CAMKK1: variants seen among roughly 807,000 people sequenced by gnomAD.
CAMKK1 encodes the protein calcium/calmodulin-dependent protein kinase kinase 1.
A neutral mutation model predicts 63.5 loss-of-function variants in CAMKK1; 20 were observed. That is an observed-to-expected ratio of 0.32 (90% confidence interval 0.22 to 0.46). The LOEUF (loss-of-function observed/expected upper bound fraction) is 0.46. CAMKK1 is among the 20% of genes least tolerant of loss of function. CAMKK1 has a pLI of 1.00. For synonymous variants in CAMKK1, 253 were observed against 269.0 expected, an observed-to-expected ratio of 0.94 and a Z score of 0.58; for missense variants, 588 against 658.1, an observed-to-expected ratio of 0.89 and a Z score of 1.17.
chr17:3,892,961 C>T lies in CAMKK1; in HGVS notation c.-66G>A, dbSNP rs2143924044. The T allele has an allele frequency of 1.3e-5, 2 of 151,304 alleles. No individual in the cohort carries two copies. The highest frequency in any genetic ancestry group is 1.9e-4 in the South Asian group (1 of 5,318). The allele number at this position is 151,304 out of a possible 1,614,324, so 9.4% of individuals were successfully genotyped here. The stretch of plus-strand genomic sequence containing the variant: ...TACCTGGGCGCCGGGCGACAGTGTC[C>T]GCGGCCCGGCGGGCGGCCCCACTCG... On this transcript the variant is annotated 5_prime_UTR_variant, in exon 1 of 16. Coordinates refer to ENST00000348335, the MANE Select transcript of CAMKK1 (RefSeq NM_032294.3). The surrounding 1 kb of genome is among the most constrained non-coding windows in gnomAD (Gnocchi z 7.5).
chr17:3,886,037 C>T lies in CAMKK1; in HGVS notation c.-43-307G>A, dbSNP rs531126102. On this transcript the variant is annotated intron_variant, in intron 1 of 15. Transcript: ENST00000348335. ...GAATCAGGACAGACAGGGCAGAAGC[C>T]TGGAGGCCCAGCAGCACTGGAAGGG... Among the ~76,000 whole-genome samples, 5 of 152,376 alleles carry T rather than the reference C, an allele frequency of 3.3e-5. No individual in the cohort carries two copies. In the East Asian group the frequency reaches 7.7e-4, roughly 23 times the overall value.
At chr17:3,877,902 A>G (rs2055239272) in intron 9 of CAMKK1, among the ~76,000 whole-genome samples, 1 of 152,184 alleles carries the variant, frequency 6.6e-6, no homozygotes, top group Non-Finnish European at 1.5e-5. Flanking sequence ...GTCTCTGTAT[A>G]TCTGAACACA....
At chr17:3,886,853 G>A (rs889744212) in intron 1 of CAMKK1, among the ~76,000 whole-genome samples, 6 of 152,206 alleles carry the variant, frequency 3.9e-5, no homozygotes, top group South Asian at 2.1e-4. Context: ...CTTGTAGAGC[G>A]CTGGCCATGC....
chr17:3,868,347 C>CCCGTCT (rs2054657375), intron 14 of CAMKK1, among the ~76,000 whole-genome samples: 3 of 150,486 alleles, frequency 2.0e-5, no homozygotes, highest in African/African-American at 7.4e-5. Context: ...GAGACGCAGG[C>CCCGTCT]ACTGCCTGAT....
At chr17:3,867,318 C>T (rs981887586) in intron 14 of CAMKK1, among the ~76,000 whole-genome samples, 16 of 152,126 alleles carry the variant, frequency 1.1e-4, no homozygotes, top group South Asian at 2.1e-4. Flanking sequence ...TTCCATGGCA[C>T]GTGGCCAGAG....
chr17:3,877,578 G>A (rs1458416145), intron 9 of CAMKK1, among the ~76,000 whole-genome samples: 2 of 152,164 alleles, frequency 1.3e-5, no homozygotes, highest in Non-Finnish European at 2.9e-5. Context: ...GAGGAGGGAG[G>A]AGAGAAGGCG....
chr17:3,877,712 C>T (rs1351680933), intron 9 of CAMKK1, among the ~76,000 whole-genome samples: 4 of 152,188 alleles, frequency 2.6e-5, no homozygotes, highest in African/African-American at 4.8e-5. Flanking sequence ...CAGGCACACA[C>T]AAGGAATCTG....
chr17:3,883,162 C>A lies in CAMKK1; in HGVS notation c.528G>T (p.Pro176=), dbSNP rs737362. ...KQYGFPRRPP[P]RGSQAAQGGP... ...CTCCCTGGGCAGCCTGGGACCCTCTCGGGGGAGGGCGACCTGTGACCAGGA... is the reference window on the plus strand; with the variant it reads ...CTCCCTGGGCAGCCTGGGACCCTCTAGGGGGAGGGCGACCTGTGACCAGGA... Residue 176 remains proline (P), a synonymous_variant, in exon 6 of 16, where the codon CCG becomes CCT. Transcript: ENST00000348335. This position sits in a 1 kb window ranked among gnomAD's most constrained non-coding sequence, Gnocchi z 4.7. 9.9e-6 allele frequency: 16 copies of A among 1,610,446 alleles called. No individual in the cohort carries two copies. The African/African-American group carries it at 1.7e-4, about 17-fold the overall frequency.
intron 2 of CAMKK1, 125 bp downstream of exon 2, chr17:3,885,203 T>C (rs1028662550): frequency 8.8e-7 from 1 of 1,136,332 alleles, no homozygotes; most frequent in Admixed American, 3.0e-5. Flanking sequence ...GGTAGTGATC[T>C]CCCCAGCTCT....
In CAMKK1 at chr17:3,867,951, T is replaced by C. The variant is rs145177304; in HGVS notation, c.1341+1536A>G. 2.5e-3 allele frequency among the ~76,000 whole-genome samples: 370 copies of C among 148,488 alleles called. 9 individuals are homozygous for C. Among genetic ancestry groups the C allele is most frequent in the African/African-American group, 8.2e-3 (325 of 39,408 alleles). On this transcript the variant is annotated intron_variant, in intron 14 of 15. Transcript: ENST00000348335. ...CGGGCACTAGGGGAGACACAGGCAC[T>C]GTCTAATGGATACGCAGGATCTGGG...
chr17:3,868,766 C>CCT (rs2054691944), intron 14 of CAMKK1, among the ~76,000 whole-genome samples: 1 of 151,944 alleles, frequency 6.6e-6, no homozygotes, highest in African/African-American at 2.4e-5. Flanking sequence ...GATTCTCCTG[C>CCT]CTCGGCCTCC....
intron 15 of CAMKK1, among the ~76,000 whole-genome samples, chr17:3,864,545 C>T (rs950742847): frequency 6.1e-5 from 9 of 147,416 alleles, no homozygotes; most frequent in African/African-American, 2.4e-4. Context: ...CGCACCCGGC[C>T]GTGCTGGCAT....
chr17:3,875,232 T>C (rs1023162918), intron 10 of CAMKK1, among the ~76,000 whole-genome samples: 18 of 152,226 alleles, frequency 1.2e-4, no homozygotes, highest in Non-Finnish European at 2.5e-4. Context: ...AACTTTTCTG[T>C]AAATTTAGAA....
chr17:3,867,529 G>A (rs561083790), intron 14 of CAMKK1, among the ~76,000 whole-genome samples: 2 of 152,308 alleles, frequency 1.3e-5, no homozygotes, highest in African/African-American at 4.8e-5. Flanking sequence ...GGGAGTGAGA[G>A]TAGAAGCAAG....
intron 11 of CAMKK1, 71 bp from the exon 12 acceptor site, chr17:3,872,698 T>A: frequency 1.9e-5 from 25 of 1,320,408 alleles, no homozygotes; most frequent in Non-Finnish European, 2.7e-5. Flanking sequence ...TCAACCCCCC[T>A]CCCTTGGTGG....
intron 15 of CAMKK1, 181 bp downstream of exon 15, chr17:3,865,727 G>A (rs1256985605): frequency 1.2e-5 from 17 of 1,426,276 alleles, no homozygotes; most frequent in South Asian, 1.5e-5. Context: ...GGGCCCAAAA[G>A]GTCCCTTCTA....
intron 14 of CAMKK1, 141 bp from the exon 15 acceptor site, chr17:3,866,152 G>A (rs2054513227): frequency 1.0e-6 from 1 of 997,822 alleles, no homozygotes; most frequent in Non-Finnish European, 1.5e-6. Flanking sequence ...AATGGCAGAG[G>A]CAAGAACACG....
chr17:3,862,030 T>C lies in CAMKK1; in HGVS notation c.*181A>G. The C allele has an allele frequency of 1.7e-6, 1 of 601,942 alleles. No individual in the cohort carries two copies. Among genetic ancestry groups the C allele is most frequent in the South Asian group, 1.9e-5 (1 of 51,360 alleles). 37.3% of individuals were successfully genotyped at this position (601,942 alleles called of 1,614,324 possible). On this transcript the variant is annotated 3_prime_UTR_variant, in exon 16 of 16. Transcript: ENST00000348335. The surrounding 1 kb of genome is among the most constrained non-coding windows in gnomAD (Gnocchi z 4.1). ...CCTGCCCCCAAGACCCCAAATGACA[T>C]ACATTCCAGTCTGTCCCTGGACGTG...
intron 9 of CAMKK1, among the ~76,000 whole-genome samples, chr17:3,877,378 G>A (rs1362492562): frequency 6.6e-6 from 1 of 152,148 alleles, no homozygotes; most frequent in Admixed American, 6.5e-5. Flanking sequence ...GACCTAATAG[G>A]CTGGAGGTCT....
Sources: allele counts gnomAD v4.1 joint callset (sites outside exome capture counted in the v4.1 genomes callset), GRCh38; gene constraint gnomAD v4.1.1; non-coding constraint Gnocchi (gnomAD v3.1); transcripts MANE v1.5; gene names NCBI Gene and HGNC (gene_info 2026-07-23, HGNC 2026-07-21).